Variants in RELN observed in about 807,000 individuals in gnomAD.
RELN encodes reelin.
In RELN, 108 loss-of-function variants were observed where a neutral mutation model predicts 427.6. The observed-to-expected ratio is 0.25, with a 90% CI of 0.22 to 0.30. The LOEUF is 0.30. Ranked by LOEUF, RELN falls within the 10% of genes least tolerant of loss-of-function variation. RELN has a pLI of 1.00. For missense variants in RELN, 3,715 were observed against 4,302.8 expected (o/e 0.86, Z 3.82); for synonymous variants, 1,524 against 1,513.4 (o/e 1.01, Z -0.16).
intron 8 of RELN, among the ~76,000 whole-genome samples, chr7:103,701,976 G>T (rs989592178): frequency 4.6e-5 from 7 of 152,186 alleles, no homozygotes; most frequent in African/African-American, 1.4e-4. Context: ...TATTTCAGTG[G>T]TGTTTAGTAC....
In RELN at chr7:103,753,176, A is replaced by T. The variant is rs1222158516; in HGVS notation, c.577+6T>A. On this transcript the variant is annotated splice_donor_region_variant and intron_variant, in intron 5 of 64. Coordinates refer to ENST00000428762, the MANE Select transcript of RELN (RefSeq NM_005045.4). ...AGTTAATGACATCAGAGTCTTAAACACTTACCTAGATGTGGGTGCACAGTG... is the reference window on the plus strand; with the variant it reads ...AGTTAATGACATCAGAGTCTTAAACTCTTACCTAGATGTGGGTGCACAGTG... The T allele has an allele frequency of 1.2e-6, 2 of 1,613,984 alleles. No individual in the cohort carries two copies. The highest frequency in any genetic ancestry group is 2.2e-5 in the South Asian group (2 of 91,078).
chr7:103,755,568 A>T (rs749458355), intron 4 of RELN, among the ~76,000 whole-genome samples: 2 of 148,776 alleles, frequency 1.3e-5, no homozygotes, highest in Non-Finnish European at 3.0e-5. Context: ...AGATCGCGCC[A>T]CCGCACTCCA....
At chr7:103,557,924 G>A (rs995424664) in intron 37 of RELN, 41 bp downstream of exon 37, 1 of 932,032 alleles carries the variant, frequency 1.1e-6, no homozygotes, top group Non-Finnish European at 1.8e-6. Flanking sequence ...AATTGCACAG[G>A]GGAGAATTCT....
intron 2 of RELN, among the ~76,000 whole-genome samples, chr7:103,882,591 A>G (rs1034719880): frequency 1.3e-4 from 20 of 152,198 alleles, no homozygotes; most frequent in African/African-American, 4.6e-4. Context: ...AGACACAAAA[A>G]AAAATGATAA....
chr7:103,542,718 T>C lies in RELN; in HGVS notation c.6671+13A>G. ...CGATGTGGTTTTTTTCAACAGCATC[T>C]AAAAATGATTACCTAGCATGTGATA... On this transcript the variant is annotated intron_variant, in intron 43 of 64. Coordinates refer to ENST00000428762, the MANE Select transcript of RELN (RefSeq NM_005045.4). 2 of 1,613,990 alleles carry C rather than the reference T, an allele frequency of 1.2e-6. No homozygotes were observed. Among genetic ancestry groups the C allele is most frequent in the Non-Finnish European group, 1.7e-6 (2 of 1,179,906 alleles).
At chr7:103,720,155 G>A (rs1268691359) in intron 8 of RELN, among the ~76,000 whole-genome samples, 1 of 149,586 alleles carries the variant, frequency 6.7e-6, no homozygotes, top group Admixed American at 6.7e-5. Flanking sequence ...TGTAATATAT[G>A]TATATATTGT....
intron 8 of RELN, among the ~76,000 whole-genome samples, chr7:103,717,169 C>T (rs1789958856): frequency 6.6e-6 from 1 of 151,856 alleles, no homozygotes; most frequent in African/African-American, 2.4e-5. Context: ...TAATCAATCT[C>T]AACAATCTTT....
intron 4 of RELN, among the ~76,000 whole-genome samples, chr7:103,756,872 G>T (rs74321469): frequency 0.014 from 2,111 of 152,228 alleles, 55 homozygotes; most frequent in African/African-American, 0.048. Context: ...AAATTTTCCT[G>T]AAAAAGATTC....
intron 8 of RELN, among the ~76,000 whole-genome samples, chr7:103,712,949 A>G (rs1789843008): frequency 6.6e-6 from 1 of 152,202 alleles, no homozygotes; most frequent in South Asian, 2.1e-4. Flanking sequence ...TCACAGTAGA[A>G]TGCAATAGAA....
At chr7:103,936,242 G>A (rs539648193) in intron 1 of RELN, among the ~76,000 whole-genome samples, 15 of 152,108 alleles carry the variant, frequency 9.9e-5, no homozygotes, top group African/African-American at 2.7e-4. Flanking sequence ...ATAGGTGTGC[G>A]CCACCATGCC....
At chr7:103,477,818 T>C (rs1439927604) in intron 64 of RELN, among the ~76,000 whole-genome samples, 2 of 152,170 alleles carry the variant, frequency 1.3e-5, no homozygotes, top group African/African-American at 4.8e-5. Context: ...CAAGAATATA[T>C]TAAAAGTGGC....
chr7:103,805,131 A>G (rs549670813), intron 3 of RELN, among the ~76,000 whole-genome samples: 9 of 152,186 alleles, frequency 5.9e-5, no homozygotes, highest in South Asian at 2.1e-4. Flanking sequence ...TTTTGCCACT[A>G]ACAATCTGGC....
intron 1 of RELN, among the ~76,000 whole-genome samples, chr7:103,924,980 GCGCATA>G (rs1376493774): frequency 2.4e-5 from 3 of 126,970 alleles, no homozygotes; most frequent in Admixed American, 8.6e-5. Flanking sequence ...ACGTGTGCAT[GCGCATA>G]CACATACACA....
intron 2 of RELN, among the ~76,000 whole-genome samples, chr7:103,905,561 A>G (rs1795185419): frequency 6.6e-6 from 1 of 152,110 alleles, no homozygotes; most frequent in East Asian, 1.9e-4. Context: ...ATACCCAAAC[A>G]CTTGTGCAGA....
chr7:103,783,913 A>G (rs1791955123), intron 3 of RELN, among the ~76,000 whole-genome samples: 1 of 152,168 alleles, frequency 6.6e-6, no homozygotes, highest in African/African-American at 2.4e-5. Context: ...TCACTAAATG[A>G]TTTTGCATTG....
intron 36 of RELN, among the ~76,000 whole-genome samples, chr7:103,560,866 T>A (rs1043244095): frequency 2.0e-5 from 3 of 152,216 alleles, no homozygotes; most frequent in African/African-American, 7.2e-5. Context: ...AGGTGTTAGA[T>A]GTTAATCATT....
chr7:103,951,599 C>A (rs1325385067), intron 1 of RELN, among the ~76,000 whole-genome samples: 1 of 152,134 alleles, frequency 6.6e-6, no homozygotes, highest in African/African-American at 2.4e-5. Context: ...TAAATCAAAT[C>A]TTTCAACACC....
At chr7:103,878,015 C>G (rs71558658) in intron 2 of RELN, among the ~76,000 whole-genome samples, 22,148 of 152,040 alleles carry the variant, frequency 0.15, 1,889 homozygotes, top group East Asian at 0.34. Flanking sequence ...ACCAACACGC[C>G]CAGCTAATAT....
At chr7:103,555,898 G>C (rs1304826216) in intron 38 of RELN, among the ~76,000 whole-genome samples, 1 of 152,168 alleles carries the variant, frequency 6.6e-6, no homozygotes, top group Non-Finnish European at 1.5e-5. Context: ...TTAAATTTTA[G>C]AGATGGAAGA....
Sources: gnomAD v4.1 joint callset for allele counts (sites outside exome capture counted in the v4.1 genomes callset) on GRCh38, gnomAD v4.1.1 for gene constraint, MANE v1.5 for transcripts, NCBI Gene and HGNC (gene_info 2026-07-23, HGNC 2026-07-21) for gene names.